Variants in PHF21B observed in about 807,000 individuals in gnomAD.
PHF21B encodes PHD finger protein 21B.
PHF21B carries 22 observed loss-of-function variants against 62.2 expected under a neutral mutation model. That is an observed-to-expected ratio of 0.35 (90% CI 0.25 to 0.51). PHF21B has a LOEUF of 0.51. Ranked by LOEUF, PHF21B falls within the 20% of genes least tolerant of loss-of-function variation. The pLI, the probability that PHF21B is intolerant of heterozygous loss-of-function variation, is 0.97. For missense variants in PHF21B, 701 were observed against 707.9 expected (o/e 0.99, Z 0.11); for synonymous variants, 341 against 314.7 (o/e 1.08, Z -0.88).
chr22:44,948,165 T>C (rs986035352), intron 2 of PHF21B, among the ~76,000 whole-genome samples: 11 of 152,222 alleles, frequency 7.2e-5, no homozygotes, highest in African/African-American at 2.7e-4. Context: ...TTCAAGCACA[T>C]TACATTTATT....
intron 10 of PHF21B, among the ~76,000 whole-genome samples, chr22:44,886,758 C>G (rs985897997): frequency 5.3e-5 from 8 of 152,140 alleles, no homozygotes; most frequent in African/African-American, 1.9e-4. Flanking sequence ...GCAGAGGGAA[C>G]AGCCCGACAG....
chr22:44,941,632 G>C (rs2071958979), intron 2 of PHF21B, among the ~76,000 whole-genome samples: 1 of 152,190 alleles, frequency 6.6e-6, no homozygotes, highest in African/African-American at 2.4e-5. Flanking sequence ...ACGTTAGCAG[G>C]GGGATGGGGC....
chr22:44,921,664 A>AG (rs1407671932), intron 2 of PHF21B, among the ~76,000 whole-genome samples: 4 of 146,738 alleles, frequency 2.7e-5, no homozygotes, highest in African/African-American at 1.0e-4. Context: ...CACGGAACCC[A>AG]GCCTTTCTTT....
intron 2 of PHF21B, among the ~76,000 whole-genome samples, chr22:44,982,306 A>G (rs1163284794): frequency 6.6e-6 from 1 of 152,254 alleles, no homozygotes; most frequent in East Asian, 1.9e-4. Context: ...GATCTGGGGC[A>G]GGGAGAGAGA....
At chr22:44,981,473 A>T (rs2072840957) in intron 2 of PHF21B, among the ~76,000 whole-genome samples, 1 of 152,170 alleles carries the variant, frequency 6.6e-6, no homozygotes, top group Non-Finnish European at 1.5e-5. Flanking sequence ...CCAGCACCTC[A>T]CCCAAGGCCT....
At position 45,009,486 on chromosome 22, in the gene PHF21B, G is replaced by A. The variant is rs1421953144; in HGVS notation, c.54+10C>T. On this transcript the variant is annotated intron_variant, in intron 1 of 12. Transcript: ENST00000313237. The surrounding 1 kb of genome is among the most constrained non-coding windows in gnomAD (Gnocchi z 5.9). ...CTCCCCGGCCCCGGGCCCGGCCCCCGGCCACCTACCTGGTGGCGCGCGAGT... is the reference window on the plus strand; with the variant it reads ...CTCCCCGGCCCCGGGCCCGGCCCCCAGCCACCTACCTGGTGGCGCGCGAGT... The A allele has an allele frequency of 3.9e-6, 6 of 1,536,040 alleles. No individual in the cohort carries two copies. The highest frequency in any genetic ancestry group is 4.9e-5 in the East Asian group (2 of 40,686).
At chr22:44,969,812 T>C (rs986704228) in intron 2 of PHF21B, among the ~76,000 whole-genome samples, 1 of 152,226 alleles carries the variant, frequency 6.6e-6, no homozygotes, top group African/African-American at 2.4e-5. Context: ...CTTGCCACTA[T>C]TCTATAAGGG....
Position 44,941,684 on chromosome 22 carries a change from G to A in PHF21B, c.121-21194C>T, listed in dbSNP as rs535541025. Among the ~76,000 whole-genome samples the A allele has an allele frequency of 5.3e-5, 8 of 152,280 alleles. No individual in the cohort carries two copies. The East Asian group carries it at 1.2e-3, about 22-fold the overall frequency. On this transcript the variant is annotated intron_variant, in intron 2 of 12. Transcript: ENST00000313237. ...CACCGTCACTTTAAGCCTCTGCCTC[G>A]ATGTGGGCTCGGGAGCACCCACTAG...
At chr22:44,937,455 C>T (rs541098244) in intron 2 of PHF21B, among the ~76,000 whole-genome samples, 1 of 152,296 alleles carries the variant, frequency 6.6e-6, no homozygotes, top group East Asian at 1.9e-4. Flanking sequence ...CACGGAGTAG[C>T]CGGGTCTCTC....
chr22:44,921,039 A>G lies in PHF21B; in HGVS notation c.121-549T>C, dbSNP rs369472710. The stretch of plus-strand genomic sequence containing the variant: ...TAGGAGAGTCTGAATATGGGGATCC[A>G]TGGACCAAAATGCAGGAATATTTTC... On this transcript the variant is annotated intron_variant, in intron 2 of 12. Transcript: ENST00000313237. Among the ~76,000 whole-genome samples, 8 of 152,260 alleles carry G rather than the reference A, an allele frequency of 5.3e-5. No individual in the cohort carries two copies. The East Asian group carries it at 1.3e-3, about 26-fold the overall frequency.
intron 2 of PHF21B, among the ~76,000 whole-genome samples, chr22:44,940,276 A>T (rs564906343): frequency 1.3e-5 from 2 of 152,316 alleles, no homozygotes; most frequent in East Asian, 3.9e-4. Flanking sequence ...CATTCCTAAC[A>T]GGAAATCTGG....
At chr22:44,918,574 CTG>C (rs1395320389) in intron 3 of PHF21B, among the ~76,000 whole-genome samples, 2 of 152,236 alleles carry the variant, frequency 1.3e-5, no homozygotes, top group Non-Finnish European at 2.9e-5. Context: ...TGCAGTCACC[CTG>C]CCAGGCTGGC....
chr22:44,944,850 G>T (rs2072032482), intron 2 of PHF21B, among the ~76,000 whole-genome samples: 1 of 115,370 alleles, frequency 8.7e-6, no homozygotes, highest in African/African-American at 3.0e-5. Flanking sequence ...GGGCCTGGAA[G>T]GAAGGACTTG....
At chr22:44,968,337 C>A (rs1601657666) in intron 2 of PHF21B, among the ~76,000 whole-genome samples, 1 of 152,110 alleles carries the variant, frequency 6.6e-6, no homozygotes, top group Non-Finnish European at 1.5e-5. Flanking sequence ...TATTGAGTAT[C>A]CCTTATCCGA....
At chr22:44,939,912 G>T (rs1399516915) in intron 2 of PHF21B, among the ~76,000 whole-genome samples, 1 of 152,114 alleles carries the variant, frequency 6.6e-6, no homozygotes, top group Non-Finnish European at 1.5e-5. Context: ...AGTAAGACAT[G>T]GTTGGGCTCT....
At chr22:44,949,497 C>A (rs2072151296) in intron 2 of PHF21B, among the ~76,000 whole-genome samples, 1 of 152,126 alleles carries the variant, frequency 6.6e-6, no homozygotes, top group Admixed American at 6.6e-5. Flanking sequence ...TATCTGCCGA[C>A]TTGAACACAG....
At chr22:44,884,360 C>T (rs1419565285) in intron 12 of PHF21B, among the ~76,000 whole-genome samples, 8 of 102,226 alleles carry the variant, frequency 7.8e-5, no homozygotes, top group Non-Finnish European at 1.1e-4. Context: ...CCACCACGAT[C>T]ACCAACGTCA....
intron 11 of PHF21B, 38 bp from the exon 12 acceptor site, chr22:44,885,567 G>T (rs780382689): frequency 4.5e-6 from 7 of 1,543,374 alleles, no homozygotes; most frequent in Non-Finnish European, 5.3e-6. Context: ...AGAGGGGCAG[G>T]TAAGGAGCGG....
chr22:44,917,476 G>A (rs1343526086), intron 3 of PHF21B, among the ~76,000 whole-genome samples: 1 of 152,136 alleles, frequency 6.6e-6, no homozygotes, highest in Non-Finnish European at 1.5e-5. Flanking sequence ...ACATGCCCCA[G>A]ATGAGGACAC....
Sources: allele counts gnomAD v4.1 joint callset (sites outside exome capture counted in the v4.1 genomes callset), GRCh38; gene constraint gnomAD v4.1.1; non-coding constraint Gnocchi (gnomAD v3.1); transcripts MANE v1.5; gene names NCBI Gene and HGNC (gene_info 2026-07-23, HGNC 2026-07-21).